Variants in PACRG observed in about 807,000 individuals in gnomAD.
PACRG encodes parkin coregulated.
A neutral mutation model predicts 29.7 loss-of-function variants in PACRG; 29 were observed. The observed-to-expected ratio is 0.98, with a 90% confidence interval of 0.73 to 1.33. The LOEUF is 1.33. PACRG is among the 40% of genes most tolerant of loss of function. The pLI, the probability that PACRG is intolerant of heterozygous loss-of-function variation, is 0.00. For synonymous variants in PACRG, 116 were observed against 118.7 expected (o/e 0.98, Z 0.15); for missense variants, 279 against 316.2 (o/e 0.88, Z 0.89).
intron 4 of PACRG, among the ~76,000 whole-genome samples, chr6:163,231,400 A>G (rs1418115156): frequency 6.6e-6 from 1 of 152,144 alleles, no homozygotes; most frequent in Non-Finnish European, 1.5e-5. Context: ...CCCTTTATAA[A>G]GCAGTGGACA....
chr6:162,879,375 T>C (rs1199360425), intron 2 of PACRG, among the ~76,000 whole-genome samples: 1 of 152,216 alleles, frequency 6.6e-6, no homozygotes, highest in African/African-American at 2.4e-5. Flanking sequence ...GTTAATTATC[T>C]ATTGGGCAAA....
rs551938597 is a variant in PACRG, at chr6:163,117,267, T to G, written c.613+27859T>G. On this transcript the variant is annotated intron_variant, in intron 4 of 4. Transcript: ENST00000366888. ...AACCCTTCTTGGTGCCAGCAACAAG[T>G]ACAGAATTACTGAGTGGCCCCTGTG... is the stretch of plus-strand genomic sequence containing the variant. Among the ~76,000 whole-genome samples the G allele has an allele frequency of 2.8e-3, 430 of 152,202 alleles. 1 individual carries two copies. The highest frequency in any genetic ancestry group is 6.8e-3 in the Middle Eastern group (2 of 294).
chr6:163,121,839 T>G (rs1347188413), intron 4 of PACRG, among the ~76,000 whole-genome samples: 1 of 151,990 alleles, frequency 6.6e-6, no homozygotes, highest in African/African-American at 2.4e-5. Flanking sequence ...ATTTTTTGTA[T>G]TTTTAGTAGA....
intron 4 of PACRG, among the ~76,000 whole-genome samples, chr6:163,243,838 C>A (rs1488341297): frequency 1.3e-5 from 2 of 149,764 alleles, no homozygotes; most frequent in Admixed American, 6.6e-5. Context: ...GTCTCCAAGG[C>A]CCAGCTGCTG....
chr6:162,853,961 T>C lies in PACRG; in HGVS notation c.291+39680T>C, dbSNP rs1327145331. On this transcript the variant is annotated intron_variant, in intron 2 of 4. Coordinates refer to ENST00000366888, the MANE Select transcript of PACRG (RefSeq NM_001080379.2). The surrounding 1 kb of genome is among the most constrained non-coding windows in gnomAD (Gnocchi z 4.7). ...TAGGTATAAATATTAACTATTATTA[T>C]TAATATCATTAGTATCATTATACAT... Among the ~76,000 whole-genome samples the C allele has an allele frequency of 6.6e-6, 1 of 152,090 alleles. No homozygotes were observed. The highest frequency in any genetic ancestry group is 1.9e-4 in the East Asian group (1 of 5,196).
At chr6:162,947,602 A>AT (rs1278536244) in intron 2 of PACRG, among the ~76,000 whole-genome samples, 1 of 62,052 alleles carries the variant, frequency 1.6e-5, no homozygotes, top group Non-Finnish European at 3.1e-5. Flanking sequence ...AATCATATAT[A>AT]TATATAATCA....
At chr6:162,880,392 A>G (rs1460315564) in intron 2 of PACRG, among the ~76,000 whole-genome samples, 1 of 152,162 alleles carries the variant, frequency 6.6e-6, no homozygotes, top group Non-Finnish European at 1.5e-5. Flanking sequence ...CCTTTGTTAG[A>G]TGTATTGCAA....
chr6:162,882,631 T>C (rs961285373), intron 2 of PACRG, among the ~76,000 whole-genome samples: 1 of 151,952 alleles, frequency 6.6e-6, no homozygotes, highest in Non-Finnish European at 1.5e-5. Context: ...CCCTGAGGAG[T>C]AGGCAAGCTG....
At chr6:162,727,776 C>T (rs977031398), upstream of PACRG, 25 of 1,186,252 alleles carry the variant, frequency 2.1e-5, no homozygotes, top group South Asian at 1.2e-4. Flanking sequence ...TCCAGGCCTC[C>T]CCGCCCCCGC....
rs76987561 is a variant in PACRG, at chr6:163,171,224, G to T, written c.613+81816G>T. ...TTAGCTGCAGAGAATTTTGAAGAAAGATAAAGAAGCTTGCCACCTAGTAGT... is the reference window on the plus strand; with the variant it reads ...TTAGCTGCAGAGAATTTTGAAGAAATATAAAGAAGCTTGCCACCTAGTAGT... On this transcript the variant is annotated intron_variant, in intron 4 of 4. Coordinates refer to ENST00000366888, the MANE Select transcript of PACRG (RefSeq NM_001080379.2). Among the ~76,000 whole-genome samples the T allele has an allele frequency of 8.2e-3, 1,252 of 151,940 alleles. 15 individuals carry two copies. The highest frequency in any genetic ancestry group is 0.029 in the African/African-American group (1,211 of 41,396).
chr6:163,281,744 T>G (rs1177388221), intron 4 of PACRG, among the ~76,000 whole-genome samples: 1 of 152,126 alleles, frequency 6.6e-6, no homozygotes, highest in African/African-American at 2.4e-5. Context: ...ATAATTGAAA[T>G]ACAGTGTATA....
At chr6:162,849,447 G>A (rs988574887) in intron 2 of PACRG, among the ~76,000 whole-genome samples, 2 of 152,322 alleles carry the variant, frequency 1.3e-5, no homozygotes, top group African/African-American at 2.4e-5. Context: ...AGAAAGTCAC[G>A]TGCAGTGCAG....
At position 162,966,621 on chromosome 6, in the gene PACRG, C is replaced by T. The variant is rs150019106; in HGVS notation, c.292-95529C>T. Among the ~76,000 whole-genome samples, 1,036 of 151,930 alleles carry T rather than the reference C, an allele frequency of 6.8e-3. 17 individuals are homozygous for T. Among genetic ancestry groups the T allele is most frequent in the East Asian group, 0.054 (279 of 5,142 alleles). ...TCTCATGAGCAGCTGGGACTACAGG[C>T]GCCCTCCACCATGCCCGGCTAATTT... is the stretch of plus-strand genomic sequence containing the variant. On this transcript the variant is annotated intron_variant, in intron 2 of 4. Transcript: ENST00000366888.
intron 1 of PACRG, among the ~76,000 whole-genome samples, chr6:162,758,187 C>T (rs1458482238): frequency 6.6e-6 from 1 of 152,010 alleles, no homozygotes; most frequent in African/African-American, 2.4e-5. Flanking sequence ...TATCTGACAG[C>T]CGTGTAAGAT....
At chr6:163,131,602 T>C (rs1325701971) in intron 4 of PACRG, among the ~76,000 whole-genome samples, 1 of 152,166 alleles carries the variant, frequency 6.6e-6, no homozygotes, top group Non-Finnish European at 1.5e-5. Flanking sequence ...GTTTGTGGTA[T>C]GTTTTAAGTC....
chr6:163,139,249 T>C (rs1817059501), intron 4 of PACRG, among the ~76,000 whole-genome samples: 1 of 152,244 alleles, frequency 6.6e-6, no homozygotes, highest in African/African-American at 2.4e-5. Flanking sequence ...CTCCCGCTCT[T>C]CTGTGCACTG....
chr6:162,826,627 C>A (rs558716508), intron 2 of PACRG, among the ~76,000 whole-genome samples: 37 of 151,994 alleles, frequency 2.4e-4, no homozygotes, highest in Non-Finnish European at 5.1e-4. Flanking sequence ...CCACACCCAG[C>A]TAATTTTGTA....
intron 2 of PACRG, among the ~76,000 whole-genome samples, chr6:162,910,839 G>C (rs1796252069): frequency 6.6e-6 from 1 of 152,164 alleles, no homozygotes; most frequent in African/African-American, 2.4e-5. Context: ...TTAGTTCAGA[G>C]AGCCCACTTA....
intron 2 of PACRG, among the ~76,000 whole-genome samples, chr6:162,953,198 G>A (rs1799781879): frequency 6.6e-6 from 1 of 152,020 alleles, no homozygotes; most frequent in African/African-American, 2.4e-5. Context: ...CATATTCATT[G>A]ACTTTTAGGC....
Sources: gnomAD v4.1 joint callset for allele counts (sites outside exome capture counted in the v4.1 genomes callset) on GRCh38, gnomAD v4.1.1 for gene constraint, Gnocchi (gnomAD v3.1) non-coding constraint, MANE v1.5 for transcripts, NCBI Gene and HGNC (gene_info 2026-07-23, HGNC 2026-07-21) for gene names.